Variants in MYO9B observed in about 807,000 individuals in gnomAD.
MYO9B encodes the protein unconventional myosin-IXb.
In MYO9B, 71 loss-of-function variants were observed where a neutral mutation model predicts 229.5. The ratio of observed to expected loss-of-function variants is 0.31; its 90% CI spans 0.26 to 0.38. MYO9B has a LOEUF of 0.38. Ranked by LOEUF, MYO9B falls within the 10% of genes least tolerant of loss-of-function variation. The pLI, the probability that MYO9B is intolerant of heterozygous loss-of-function variation, is 1.00. For missense variants in MYO9B, 2,255 were observed against 2,920.5 expected, an observed-to-expected ratio of 0.77 and a Z score of 5.25; for synonymous variants, 1,185 against 1,235.8, an observed-to-expected ratio of 0.96 and a Z score of 0.86.
At chr19:17,162,207 A>G in intron 8 of MYO9B, 143 bp from the exon 9 acceptor site, 2 of 635,762 alleles carry the variant, frequency 3.1e-6, no homozygotes, top group Admixed American at 2.7e-5. Context: ...TGGGAGGCTG[A>G]GACAGGAGAA....
At chr19:17,125,926 A>T (rs2058012788) in intron 2 of MYO9B, among the ~76,000 whole-genome samples, 1 of 152,142 alleles carries the variant, frequency 6.6e-6, no homozygotes, top group Non-Finnish European at 1.5e-5. Flanking sequence ...CTGCCCCCAC[A>T]TCCGCAGGCC....
At chr19:17,089,621 G>A (rs752337316) in intron 1 of MYO9B, among the ~76,000 whole-genome samples, 8 of 151,782 alleles carry the variant, frequency 5.3e-5, no homozygotes, top group Non-Finnish European at 1.2e-4. Context: ...GTTTTTTTTC[G>A]TTGTCATGCC....
chr19:17,211,822 C>A, intron 39 of MYO9B, 48 bp downstream of exon 39: 1 of 1,611,250 alleles, frequency 6.2e-7, no homozygotes, highest in Non-Finnish European at 8.5e-7. Context: ...TCCATCCCAG[C>A]AGGCCCCAGG....
chr19:17,126,929 C>CCCCCT (rs1173304909), intron 2 of MYO9B, among the ~76,000 whole-genome samples: 1 of 106,580 alleles, frequency 9.4e-6, no homozygotes, highest in African/African-American at 3.3e-5. Context: ...CCCCACCCCC[C>CCCCCT]ACCCCCGGCC....
At chr19:17,144,088 T>A (rs2072376948) in intron 2 of MYO9B, among the ~76,000 whole-genome samples, 1 of 151,810 alleles carries the variant, frequency 6.6e-6, no homozygotes, top group Non-Finnish European at 1.5e-5. Context: ...TGGTGGTGCA[T>A]GCCTGTGGTC....
intron 2 of MYO9B, among the ~76,000 whole-genome samples, chr19:17,142,827 A>T (rs2072358624): frequency 6.6e-6 from 1 of 152,182 alleles, no homozygotes; most frequent in Non-Finnish European, 1.5e-5. Flanking sequence ...CTCGCAGGCG[A>T]TTAAAAAAAC....
Position 17,193,212 on chromosome 19 carries a change from T to A in MYO9B, c.3128+150T>A. 1 of 916,202 alleles carries A rather than the reference T, an allele frequency of 1.1e-6. No homozygotes were observed. Among genetic ancestry groups the A allele is most frequent in the Non-Finnish European group, 1.5e-6 (1 of 648,848 alleles). The allele number at this position is 916,202 out of a possible 1,614,324, so 56.8% of individuals were successfully genotyped here. A position where few individuals can be genotyped will look rare whatever the true frequency, so the allele number is the denominator to read the frequency against. On this transcript the variant is annotated intron_variant, in intron 21 of 39. Coordinates refer to ENST00000682292, the MANE Select transcript of MYO9B (RefSeq NM_004145.4). This position sits in a 1 kb window ranked among gnomAD's most constrained non-coding sequence, Gnocchi z 4.3. ...AAAGGCTGGTGGGAAACCAGATGCC[T>A]AGGCACTCATGGGCTGCAGAGAAGT...
intron 22 of MYO9B, among the ~76,000 whole-genome samples, chr19:17,197,455 G>GATAC (rs1386835358): frequency 6.8e-6 from 1 of 148,032 alleles, no homozygotes. Flanking sequence ...TAGATACATA[G>GATAC]ATAGATAGAT....
At chr19:17,112,234 A>T (rs1407229570) in intron 2 of MYO9B, among the ~76,000 whole-genome samples, 1 of 152,200 alleles carries the variant, frequency 6.6e-6, no homozygotes, top group Non-Finnish European at 1.5e-5. Context: ...AGTCCTCTCC[A>T]GCAGGCTGCT....
intron 2 of MYO9B, among the ~76,000 whole-genome samples, chr19:17,134,197 A>C (rs2072238131): frequency 6.6e-6 from 1 of 151,956 alleles, no homozygotes; most frequent in African/African-American, 2.4e-5. Context: ...TCCAATAGGT[A>C]ACTTTTCAAC....
chr19:17,092,584 G>C (rs771540237), intron 1 of MYO9B, among the ~76,000 whole-genome samples: 1 of 152,130 alleles, frequency 6.6e-6, no homozygotes. Context: ...AAATTAGCCA[G>C]ACGTGGTGAT....
At position 17,210,338 on chromosome 19, in the gene MYO9B, G is replaced by A; in HGVS notation, c.5754G>A (p.Trp1918Ter). 1 of 1,597,978 alleles carries A rather than the reference G, an allele frequency of 6.3e-7. No individual in the cohort carries two copies. The highest frequency in any genetic ancestry group is 8.5e-7 in the Non-Finnish European group (1 of 1,172,014). The stretch of plus-strand genomic sequence containing the variant: ...TGTGTTCATCTCTCTCCCAGCCATG[G>A]CCTCTCAAACTGGGGTTTTCGTCTC... ...RLSLLRQNAPWPLKLGFSSPY... is the reference protein window; with the variant it reads ...RLSLLRQNAP The change falls in exon 37 of 40, where the codon TGG (tryptophan) becomes TGA (stop). Residue 1918 changes from tryptophan to a stop codon, truncating the protein, a stop_gained. Transcript: ENST00000682292. LOFTEE classifies it high-confidence loss of function.
At chr19:17,196,184 TGATGGAAGGATG>T (rs1568297257) in intron 22 of MYO9B, among the ~76,000 whole-genome samples, 2 of 138,370 alleles carry the variant, frequency 1.4e-5, no homozygotes, top group African/African-American at 5.4e-5. Flanking sequence ...AAGATAGAGA[TGATGGAAGGATG>T]GATGGAAGGA....
chr19:17,086,136 G>A (rs1039602440), intron 1 of MYO9B, among the ~76,000 whole-genome samples: 9 of 152,166 alleles, frequency 5.9e-5, no homozygotes, highest in South Asian at 2.1e-4. Context: ...TGTCCCTCTG[G>A]TCCTGGTGCC....
chr19:17,202,331 CTG>C (rs1186170240), intron 28 of MYO9B, 28 bp downstream of exon 28: 20 of 1,542,588 alleles, frequency 1.3e-5, no homozygotes, highest in Middle Eastern at 1.7e-4. Flanking sequence ...CCACGCCCAC[CTG>C]TGACATGCCA....
intron 36 of MYO9B, 128 bp downstream of exon 36, chr19:17,209,837 G>T: frequency 8.0e-7 from 1 of 1,245,986 alleles, no homozygotes; most frequent in Non-Finnish European, 1.1e-6. Context: ...GGGGCCTTGG[G>T]TGGGCAGGAC....
At chr19:17,188,705 A>AT (rs1222184423) in intron 19 of MYO9B, among the ~76,000 whole-genome samples, 1 of 152,154 alleles carries the variant, frequency 6.6e-6, no homozygotes, top group African/African-American at 2.4e-5. Flanking sequence ...TATTTGAAAT[A>AT]ATAATTTACT....
In MYO9B at chr19:17,101,566, G is replaced by T; in HGVS notation, c.-58-94G>T. On this transcript the variant is annotated intron_variant, in intron 1 of 39. Transcript: ENST00000682292. The surrounding 1 kb of genome is among the most constrained non-coding windows in gnomAD (Gnocchi z 4.7). ...AGTCGGGTGGGGAACTCCAGCATCGGGTCAGGTGCTATCTGCCCAGGAGTG... is the reference window on the plus strand; with the variant it reads ...AGTCGGGTGGGGAACTCCAGCATCGTGTCAGGTGCTATCTGCCCAGGAGTG... The T allele has an allele frequency of 8.0e-7, 1 of 1,255,196 alleles. No individual in the cohort carries two copies. The highest frequency in any genetic ancestry group is 1.6e-5 in the South Asian group (1 of 62,202). 77.8% of individuals were successfully genotyped at this position (1,255,196 alleles called of 1,614,324 possible). A position where few individuals can be genotyped will look rare whatever the true frequency, so the allele number is the denominator to read the frequency against.
intron 2 of MYO9B, among the ~76,000 whole-genome samples, chr19:17,137,998 C>T (rs551141039): frequency 6.6e-6 from 1 of 152,000 alleles, no homozygotes; most frequent in South Asian, 2.1e-4. Flanking sequence ...GTTTGCTGCA[C>T]CCATCAACCC....
Sources: gnomAD v4.1 joint callset for allele counts (sites outside exome capture counted in the v4.1 genomes callset) on GRCh38, gnomAD v4.1.1 for gene constraint, Gnocchi (gnomAD v3.1) non-coding constraint, MANE v1.5 for transcripts, NCBI Gene and HGNC (gene_info 2026-07-23, HGNC 2026-07-21) for gene names.